Variants in LGSN observed in about 807,000 individuals in gnomAD.
The protein encoded by LGSN is lengsin, lens protein with glutamine synthetase domain.
A neutral mutation model predicts 19.5 loss-of-function variants in LGSN; 21 were observed. The observed-to-expected ratio is 1.07, with a 90% CI of 0.76 to 1.55. LGSN has a LOEUF of 1.55. Among genes scored for constraint, LGSN ranks in the 40% most tolerant of loss-of-function variants. LGSN has a pLI of 0.00. For missense variants in LGSN, 673 were observed against 608.5 expected, an observed-to-expected ratio of 1.11 and a Z score of -1.12; for synonymous variants, 257 against 215.6, an observed-to-expected ratio of 1.19 and a Z score of -1.68.
the LGSN span, among the ~76,000 whole-genome samples, chr6:63,437,708 G>A: frequency 4.1e-4 from 63 of 152,230 alleles, no homozygotes; most frequent in African/African-American, 1.3e-3. Context: ...TGAGGCGGGC[G>A]GATTTGAGGT....
At chr6:63,361,884 T>C in the LGSN span, among the ~76,000 whole-genome samples, 1 of 152,202 alleles carries the variant, frequency 6.6e-6, no homozygotes, top group Non-Finnish European at 1.5e-5. Context: ...GGGAGGTTGA[T>C]TACCTGTCAA....
the LGSN span, among the ~76,000 whole-genome samples, chr6:63,555,825 C>G: frequency 1.3e-5 from 2 of 151,974 alleles, no homozygotes; most frequent in African/African-American, 2.4e-5. Context: ...TCCCAAGTAG[C>G]TGGAATTACA....
At chr6:63,515,047 G>A in the LGSN span, among the ~76,000 whole-genome samples, 1 of 152,098 alleles carries the variant, frequency 6.6e-6, no homozygotes, top group Non-Finnish European at 1.5e-5. Context: ...CTGTCACCAA[G>A]GCTGGAGTAC....
the LGSN span, among the ~76,000 whole-genome samples, chr6:63,381,008 G>A: frequency 2.0e-5 from 3 of 152,190 alleles, no homozygotes; most frequent in Non-Finnish European, 2.9e-5. Flanking sequence ...ATCAGCCTGG[G>A]CAACACGGCA....
chr6:63,474,610 A>C, the LGSN span, among the ~76,000 whole-genome samples: 2 of 45,696 alleles, frequency 4.4e-5, no homozygotes, highest in Non-Finnish European at 1.6e-4. Context: ...CTCCATCTCA[A>C]AAAAAAAAAA....
the LGSN span, among the ~76,000 whole-genome samples, chr6:63,530,847 C>T: frequency 1.3e-5 from 2 of 152,088 alleles, no homozygotes; most frequent in African/African-American, 4.8e-5. Flanking sequence ...TACCTTAAAA[C>T]ATCCAAATTG....
chr6:63,491,784 A>C, the LGSN span, among the ~76,000 whole-genome samples: 2 of 152,030 alleles, frequency 1.3e-5, no homozygotes, highest in African/African-American at 4.8e-5. Context: ...TAATCCCAGC[A>C]CTCTGGGAGG....
At chr6:63,447,366 C>T in the LGSN span, among the ~76,000 whole-genome samples, 1 of 152,240 alleles carries the variant, frequency 6.6e-6, no homozygotes, top group South Asian at 2.1e-4. Flanking sequence ...TGCCAGAAGT[C>T]TGACTGCCAA....
At chr6:63,384,624 TCTC>T in the LGSN span, among the ~76,000 whole-genome samples, 1 of 151,620 alleles carries the variant, frequency 6.6e-6, no homozygotes, top group Admixed American at 6.6e-5. Flanking sequence ...TTCAAGCAAT[TCTC>T]CTGCCTCAGC....
At chr6:63,551,351 C>A in the LGSN span, among the ~76,000 whole-genome samples, 1 of 152,046 alleles carries the variant, frequency 6.6e-6, no homozygotes, top group Admixed American at 6.5e-5. Flanking sequence ...CAGGCATGAG[C>A]CACTGCACCC....
chr6:63,321,766 T>C (rs1045674849), upstream of LGSN, among the ~76,000 whole-genome samples: 24 of 152,252 alleles, frequency 1.6e-4, no homozygotes, highest in African/African-American at 5.1e-4. Context: ...ATTAGAAAAA[T>C]AATAAATGGT....
upstream of LGSN, among the ~76,000 whole-genome samples, chr6:63,320,341 C>G (rs1010442384): frequency 6.6e-6 from 1 of 151,996 alleles, no homozygotes; most frequent in African/African-American, 2.4e-5. Flanking sequence ...CTATCAAAGC[C>G]CACAGACAAA....
the LGSN span, among the ~76,000 whole-genome samples, chr6:63,370,050 A>G: frequency 1.3e-5 from 2 of 152,178 alleles, no homozygotes; most frequent in African/African-American, 2.4e-5. Context: ...AAGAAGAAAG[A>G]AAAGTCACAT....
At chr6:63,346,506 C>T in the LGSN span, among the ~76,000 whole-genome samples, 1 of 151,888 alleles carries the variant, frequency 6.6e-6, no homozygotes, top group Non-Finnish European at 1.5e-5. Flanking sequence ...TCTGGCTGTT[C>T]ATCTGTATCT....
At chr6:63,504,585 G>C in the LGSN span, among the ~76,000 whole-genome samples, 1 of 152,032 alleles carries the variant, frequency 6.6e-6, no homozygotes, top group African/African-American at 2.4e-5. Flanking sequence ...TGGGATTACA[G>C]GCGTGCACCA....
chr6:63,379,879 C>A, the LGSN span, among the ~76,000 whole-genome samples: 1 of 151,852 alleles, frequency 6.6e-6, no homozygotes, highest in East Asian at 1.9e-4. Flanking sequence ...GTCTTGTTGC[C>A]CAGGCTGGAG....
chr6:63,422,360 G>A, the LGSN span, among the ~76,000 whole-genome samples: 1 of 151,980 alleles, frequency 6.6e-6, no homozygotes, highest in Non-Finnish European at 1.5e-5. Flanking sequence ...CACTGTGCCT[G>A]GTCCCCCAAA....
At chr6:63,532,214 G>T in the LGSN span, among the ~76,000 whole-genome samples, 1 of 152,210 alleles carries the variant, frequency 6.6e-6, no homozygotes, top group Non-Finnish European at 1.5e-5. Flanking sequence ...AATTGTTACT[G>T]AAATTTTGAA....
At chr6:63,427,803 T>C in the LGSN span, among the ~76,000 whole-genome samples, 1 of 152,176 alleles carries the variant, frequency 6.6e-6, no homozygotes, top group Non-Finnish European at 1.5e-5. Context: ...ATGTTAAATA[T>C]ACTCTGGCTC....
Sources: allele counts gnomAD v4.1 joint callset (sites outside exome capture counted in the v4.1 genomes callset), GRCh38; gene constraint gnomAD v4.1.1; transcripts MANE v1.5; gene names NCBI Gene and HGNC (gene_info 2026-07-23, HGNC 2026-07-21).